GRSF1: variants seen among roughly 807,000 people sequenced by gnomAD.
The protein encoded by GRSF1 is G-rich sequence factor 1.
A neutral mutation model predicts 51.1 loss-of-function variants in GRSF1; 50 were observed. The observed-to-expected ratio is 0.98, with a 90% CI of 0.78 to 1.24. The LOEUF is 1.24. Among genes scored for constraint, GRSF1 ranks in the 50% most tolerant of loss-of-function variants. The probability of loss-of-function intolerance (pLI) is 0.00; values close to 1 mark genes in which losing one functional copy is unlikely to be tolerated. For missense variants in GRSF1, 700 were observed against 639.7 expected (o/e 1.09, Z -1.02); for synonymous variants, 293 against 253.3 (o/e 1.16, Z -1.49).
chr4:70,837,664 G>C (rs143296178), intron 1 of GRSF1, among the ~76,000 whole-genome samples: 1 of 151,286 alleles, frequency 6.6e-6, no homozygotes, highest in Non-Finnish European at 1.5e-5. Context: ...TCTTGAGACG[G>C]AGTTTCGCTC....
chr4:70,838,786 C>G (rs1399223547), intron 1 of GRSF1: 1 of 183,908 alleles, frequency 5.4e-6, no homozygotes, highest in Non-Finnish European at 1.1e-5. Flanking sequence ...ACCCTCAACG[C>G]TCCCTCCCAT....
At chr4:70,827,804 A>C (rs746959874) in intron 6 of GRSF1, 48 bp downstream of exon 6, 5 of 1,382,148 alleles carry the variant, frequency 3.6e-6, no homozygotes, top group Non-Finnish European at 5.0e-6. Flanking sequence ...CAAAACCCAA[A>C]ACATTCAAGA....
chr4:70,839,945 T>G, upstream of GRSF1: 43 of 757,680 alleles, frequency 5.7e-5, no homozygotes, highest in East Asian at 1.9e-4. Context: ...CCGCGGGCAC[T>G]GGGTGGGGGG....
upstream of GRSF1, among the ~76,000 whole-genome samples, chr4:70,841,156 G>C (rs1229711500): frequency 6.6e-6 from 1 of 152,158 alleles, no homozygotes; most frequent in Non-Finnish European, 1.5e-5. Context: ...AGCTGGGTGT[G>C]ATGGCGTGGG....
At chr4:70,834,174 C>A (rs1817378) in intron 2 of GRSF1, among the ~76,000 whole-genome samples, 1 of 152,126 alleles carries the variant, frequency 6.6e-6, no homozygotes, top group African/African-American at 2.4e-5. Context: ...CAGGAGAATC[C>A]CTTGAACCCG....
In GRSF1 at chr4:70,820,272, C is replaced by T. The variant is rs1191492878; in HGVS notation, c.*615G>A. 1 of 152,638 alleles carries T rather than the reference C, an allele frequency of 6.6e-6. No homozygotes were observed. The highest frequency in any genetic ancestry group is 2.4e-5 in the African/African-American group (1 of 41,458). The allele number at this position is 152,638 out of a possible 1,614,324, so 9.5% of individuals were successfully genotyped here. On this transcript the variant is annotated 3_prime_UTR_variant, in exon 10 of 10. Coordinates refer to ENST00000254799, the MANE Select transcript of GRSF1 (RefSeq NM_002092.4). ...TAGAAAGGCAAAACATTTCTAAAGA[C>T]ATAAAACCGCCAAATTGTCATTTAC... is the stretch of plus-strand genomic sequence containing the variant.
intron 5 of GRSF1, among the ~76,000 whole-genome samples, chr4:70,829,286 T>C (rs545518747): frequency 6.8e-6 from 1 of 147,412 alleles, no homozygotes; most frequent in East Asian, 2.0e-4. Flanking sequence ...ACTACTTCTT[T>C]AAAAAAAAAA....
At chr4:70,830,894 T>C (rs1204179360) in intron 5 of GRSF1, among the ~76,000 whole-genome samples, 2 of 152,138 alleles carry the variant, frequency 1.3e-5, no homozygotes. Flanking sequence ...TAATATACTA[T>C]TGCTAACAGT....
rs1287115680 is a variant in GRSF1, at chr4:70,836,209, G to A, written c.463C>T (p.Gln155Ter). The change falls in exon 2 of 10, where the codon CAA becomes TAA. Residue 155 changes from glutamine to a stop codon, truncating the protein, a stop_gained. Coordinates refer to ENST00000254799, the MANE Select transcript of GRSF1 (RefSeq NM_002092.4). LOFTEE classifies it high-confidence loss of function. ...EVDDVFLIRA[Q>*]GLPWSCTMED... ...ATAGTGCATGACCAGGGCAGTCCTT[G>A]AGCTCGAATGAGAAAGACATCATCC... 3.7e-6 allele frequency: 6 copies of A among 1,609,172 alleles called. No homozygotes were observed. Among genetic ancestry groups the A allele is most frequent in the Non-Finnish European group, 5.1e-6 (6 of 1,177,854 alleles).
Position 70,820,665 on chromosome 4 carries a change from T to C in GRSF1, c.*222A>G, listed in dbSNP as rs1308427617. ...AGATCCTGGACAGTTTAAACAAAAA[T>C]TTTAATTTGTGGTTTATTTCATAAT... On this transcript the variant is annotated 3_prime_UTR_variant, in exon 10 of 10. Coordinates refer to ENST00000254799, the MANE Select transcript of GRSF1 (RefSeq NM_002092.4). 2 of 152,468 alleles carry C rather than the reference T, an allele frequency of 1.3e-5. No homozygotes were observed. The highest frequency in any genetic ancestry group is 2.9e-5 in the Non-Finnish European group (2 of 68,046). 9.4% of individuals were successfully genotyped at this position (152,468 alleles called of 1,614,324 possible).
At position 70,832,464 on chromosome 4, in the gene GRSF1, AC is replaced by A. The variant is rs763302638; in HGVS notation, c.671-15del. 47 of 1,564,374 alleles carry A rather than the reference AC, an allele frequency of 3.0e-5. No individual in the cohort carries two copies. Among genetic ancestry groups the A allele is most frequent in the Non-Finnish European group, 3.7e-5 (42 of 1,138,028 alleles). On this transcript the variant is annotated splice_polypyrimidine_tract_variant and intron_variant, in intron 3 of 9. Transcript: ENST00000254799. ...TTATCTCATATACTACGAAGAAAAA[AC>A]CCAACAGGGATGAAAAATTTACATA...
At chr4:70,834,028 G>C (rs981389327) in intron 2 of GRSF1, among the ~76,000 whole-genome samples, 3 of 152,180 alleles carry the variant, frequency 2.0e-5, no homozygotes, top group Non-Finnish European at 4.4e-5. Context: ...GGGAGGCCAA[G>C]GTGGTGGATC....
chr4:70,839,229 C>G, intron 1 of GRSF1: 4 of 1,455,512 alleles, frequency 2.7e-6, no homozygotes, highest in Non-Finnish European at 3.6e-6. Flanking sequence ...CACACTTACA[C>G]TGCCCAACCG....
At chr4:70,831,049 T>C (rs1358368113) in intron 5 of GRSF1, among the ~76,000 whole-genome samples, 1 of 152,142 alleles carries the variant, frequency 6.6e-6, no homozygotes, top group Non-Finnish European at 1.5e-5. Flanking sequence ...GTCTATGGGT[T>C]AGTCCCTGCC....
At chr4:70,832,249 A>G in intron 4 of GRSF1, 58 bp downstream of exon 4, 1 of 1,469,328 alleles carries the variant, frequency 6.8e-7, no homozygotes, top group South Asian at 1.2e-5. Flanking sequence ...AAGATATAGA[A>G]GGAGATACCA....
At position 70,821,978 on chromosome 4, in the gene GRSF1, ATG is replaced by A. The variant is rs1733531478; in HGVS notation, c.*26-1119_*26-1118del. ...GGAGTAACCCACCATGCCTGGCCCCATGTGTTTTCAAGAAATCATTACAGGTA... is the reference window on the plus strand; with the variant it reads ...GGAGTAACCCACCATGCCTGGCCCCATGTTTTCAAGAAATCATTACAGGTA... On this transcript the variant is annotated intron_variant, in intron 9 of 9. Coordinates refer to ENST00000254799, the MANE Select transcript of GRSF1 (RefSeq NM_002092.4). Among the ~76,000 whole-genome samples, 7 of 152,026 alleles carry A rather than the reference ATG, an allele frequency of 4.6e-5. No individual in the cohort carries two copies. In the South Asian group the frequency reaches 1.5e-3, roughly 32 times the overall value.
At chr4:70,837,998 G>A (rs945682365) in intron 1 of GRSF1, among the ~76,000 whole-genome samples, 1 of 151,686 alleles carries the variant, frequency 6.6e-6, no homozygotes, top group Non-Finnish European at 1.5e-5. Context: ...TTGGGAGGCA[G>A]AGGCGGGCGG....
At position 70,826,143 on chromosome 4, in the gene GRSF1, T is replaced by C. The variant is rs781751506; in HGVS notation, c.1238A>G (p.Asn413Ser). Residue 413 changes from asparagine to serine, a missense_variant, in exon 7 of 10, where the codon AAT (asparagine) becomes AGT (serine). Asn to Ser is a conservative substitution (Grantham distance 46, BLOSUM62 1). Coordinates refer to ENST00000254799, the MANE Select transcript of GRSF1 (RefSeq NM_002092.4). ...VHMRGLPFQANAQDIINFFAP... is the reference protein window; with the variant it reads ...VHMRGLPFQASAQDIINFFAP... ...ACACACGTTTATAATGTCTTGGGCA[T>C]TGGCTTGGAAAGGTAATCCTCTCAT... 5.0e-6 allele frequency: 8 copies of C among 1,611,738 alleles called. No individual in the cohort carries two copies. The highest frequency in any genetic ancestry group is 1.7e-5 in the Admixed American group (1 of 59,534).
intron 5 of GRSF1, among the ~76,000 whole-genome samples, chr4:70,830,276 G>A (rs570689418): frequency 1.3e-5 from 2 of 151,908 alleles, no homozygotes; most frequent in Admixed American, 1.3e-4. Context: ...ACACACGCAC[G>A]CACGCACACA....
Sources: gnomAD v4.1 joint callset for allele counts (sites outside exome capture counted in the v4.1 genomes callset) on GRCh38, gnomAD v4.1.1 for gene constraint, MANE v1.5 for transcripts, NCBI Gene and HGNC (gene_info 2026-07-23, HGNC 2026-07-21) for gene names.